The following HEPH variants were observed in gnomAD, a reference collection of about 807,000 sequenced individuals.
HEPH encodes the protein hephaestin.
In HEPH, 69 loss-of-function variants were observed where a neutral mutation model predicts 80.8. That is an observed-to-expected ratio of 0.85 (90% confidence interval 0.70 to 1.04). The LOEUF (loss-of-function observed/expected upper bound fraction) is 1.04. Among genes scored for constraint, HEPH ranks in the 50% least tolerant of loss-of-function variants. The probability of loss-of-function intolerance (pLI) is 0.00; values close to 1 mark genes in which losing one functional copy is unlikely to be tolerated. For missense variants in HEPH, 1,115 were observed against 891.3 expected (o/e 1.25, Z -3.20); for synonymous variants, 431 against 322.8 (o/e 1.34, Z -3.60).
At chrX:66,246,305 C>G (rs1244549188) in intron 15 of HEPH, among the ~76,000 whole-genome samples, 1 of 111,914 alleles carries the variant, frequency 8.9e-6, no homozygotes, top group Non-Finnish European at 1.9e-5. Flanking sequence ...ATTGCCCTTT[C>G]TGCCATCTGG....
intron 15 of HEPH, among the ~76,000 whole-genome samples, chrX:66,251,968 G>T (rs1048127346): frequency 8.9e-6 from 1 of 112,089 alleles, no homozygotes; most frequent in African/African-American, 3.2e-5. Context: ...GGTTACATTT[G>T]TTGTTATGTG....
intron 15 of HEPH, among the ~76,000 whole-genome samples, chrX:66,210,218 G>T (rs1355910873): frequency 8.9e-6 from 1 of 111,987 alleles, no homozygotes; most frequent in African/African-American, 3.2e-5. Flanking sequence ...AGCTTCAGCT[G>T]CTCCAAAGAG....
intron 15 of HEPH, among the ~76,000 whole-genome samples, chrX:66,238,517 C>G (rs1430891017): frequency 1.8e-5 from 2 of 111,087 alleles, no homozygotes; most frequent in Non-Finnish European, 3.8e-5. Context: ...TGCACTCCAG[C>G]CTGCATGACA....
upstream of HEPH, chrX:66,164,109 G>C: frequency 1.0e-5 from 5 of 476,210 alleles, no homozygotes; most frequent in Non-Finnish European, 1.3e-5. Flanking sequence ...AGACCAATTA[G>C]CAAGTCCTGA....
chrX:66,268,552 T>C (rs1294257106), downstream of HEPH: 1 of 111,950 alleles, frequency 8.9e-6, no homozygotes, highest in African/African-American at 3.2e-5. Flanking sequence ...TGAATGTTAA[T>C]GAAGACCAAG....
chrX:66,212,951 A>T (rs2089208812), intron 15 of HEPH, among the ~76,000 whole-genome samples: 1 of 107,947 alleles, frequency 9.3e-6, no homozygotes, highest in South Asian at 3.9e-4. Context: ...AATTCTTTTG[A>T]TTTTTTTTAT....
chrX:66,239,240 G>A (rs182602775), intron 15 of HEPH, among the ~76,000 whole-genome samples: 5 of 111,809 alleles, frequency 4.5e-5, no homozygotes, highest in African/African-American at 6.5e-5. Flanking sequence ...GCTCCTTGTC[G>A]GTTCAACTCA....
At chrX:66,190,629 G>A (rs964171139) in intron 6 of HEPH, among the ~76,000 whole-genome samples, 3 of 111,971 alleles carry the variant, frequency 2.7e-5, no homozygotes, top group Non-Finnish European at 5.6e-5. Context: ...GGTCTAAATC[G>A]TCTCTTAAAT....
At chrX:66,247,350 T>A (rs1471409912) in intron 15 of HEPH, among the ~76,000 whole-genome samples, 1 of 107,341 alleles carries the variant, frequency 9.3e-6, no homozygotes, top group Non-Finnish European at 1.9e-5. Context: ...CTGTTCACTT[T>A]TCTTCATTAT....
At chrX:66,167,990 G>A (rs747642666) in intron 1 of HEPH, among the ~76,000 whole-genome samples, 2 of 111,603 alleles carry the variant, frequency 1.8e-5, no homozygotes, top group Admixed American at 9.5e-5. Context: ...GGCCTCCATC[G>A]CCATGTCGTA....
chrX:66,242,093 G>A (rs772265371), intron 15 of HEPH, among the ~76,000 whole-genome samples: 10 of 109,579 alleles, frequency 9.1e-5, no homozygotes, highest in African/African-American at 3.3e-4. Flanking sequence ...AAAACTGAAG[G>A]CATCACATTA....
intron 15 of HEPH, among the ~76,000 whole-genome samples, chrX:66,252,737 G>A (rs1348166581): frequency 8.9e-6 from 1 of 112,152 alleles, no homozygotes; most frequent in Non-Finnish European, 1.9e-5. Flanking sequence ...AGATTGTGTG[G>A]CATTGGCATA....
intron 15 of HEPH, among the ~76,000 whole-genome samples, chrX:66,247,605 A>G (rs1390146844): frequency 1.8e-5 from 2 of 111,007 alleles, no homozygotes; most frequent in African/African-American, 6.6e-5. Context: ...CAGTTCTTTA[A>G]GCATACTTAA....
At chrX:66,263,519 G>A (rs750539509) in intron 19 of HEPH, 125 bp from the exon 20 acceptor site, 2 of 650,492 alleles carry the variant, frequency 3.1e-6, no homozygotes, top group East Asian at 6.9e-5. Context: ...AGTAAATTCT[G>A]CCTTTATTTT....
At chrX:66,237,586 A>G (rs1202579546) in intron 15 of HEPH, among the ~76,000 whole-genome samples, 2 of 111,926 alleles carry the variant, frequency 1.8e-5, no homozygotes, top group Non-Finnish European at 1.9e-5. Flanking sequence ...GATGAGAAGG[A>G]TGCATATTCT....
At chrX:66,202,097 TAGTC>T (rs1207606621) in intron 12 of HEPH, among the ~76,000 whole-genome samples, 3 of 111,626 alleles carry the variant, frequency 2.7e-5, no homozygotes, top group African/African-American at 9.8e-5. Flanking sequence ...TGGGCCAAAA[TAGTC>T]AGGGAGGGCT....
chrX:66,213,697 A>G (rs806610), intron 15 of HEPH, among the ~76,000 whole-genome samples: 31,962 of 110,605 alleles, frequency 0.29, 4,260 homozygotes, highest in African/African-American at 0.51. Flanking sequence ...AAAAATACTG[A>G]TGAAATCACA....
At chrX:66,187,243 T>C (rs1470235643) in intron 4 of HEPH, among the ~76,000 whole-genome samples, 7 of 110,610 alleles carry the variant, frequency 6.3e-5, no homozygotes, top group Non-Finnish European at 1.3e-4. Flanking sequence ...TGAATTCGTT[T>C]TCAGGTAAAT....
rs748183705 is a variant in HEPH, at chrX:66,176,430, G to A, written c.625+2629G>A. Reference sequence around the variant, plus strand: ...TTTGTTATGTTGTTGGATTCCATTAGCTTGTATTTTGCTAAGGATTTTAGG... The same window carrying A: ...TTTGTTATGTTGTTGGATTCCATTAACTTGTATTTTGCTAAGGATTTTAGG... On this transcript the variant is annotated intron_variant, in intron 4 of 20. Transcript: ENST00000343002. Among the ~76,000 whole-genome samples the A allele has an allele frequency of 3.6e-5, 4 of 111,606 alleles. No individual in the cohort carries two copies. The East Asian group carries it at 1.1e-3, about 32-fold the overall frequency.
Sources: gnomAD v4.1 joint callset for allele counts (sites outside exome capture counted in the v4.1 genomes callset) on GRCh38, gnomAD v4.1.1 for gene constraint, MANE v1.5 for transcripts, NCBI Gene and HGNC (gene_info 2026-07-23, HGNC 2026-07-21) for gene names.